The following TNS3 variants were observed in gnomAD, a reference collection of about 807,000 sequenced individuals.
The protein encoded by TNS3 is tensin-3.
TNS3 carries 45 observed loss-of-function variants against 140.9 expected under a neutral mutation model. That is an observed-to-expected ratio of 0.32 (90% confidence interval 0.25 to 0.41). The LOEUF is 0.41. Among genes scored for constraint, TNS3 ranks in the 10% least tolerant of loss-of-function variants. The probability of loss-of-function intolerance (pLI) is 1.00; values close to 1 mark genes in which losing one functional copy is unlikely to be tolerated. For missense variants in TNS3, 1,716 were observed against 1,906.7 expected (o/e 0.90, Z 1.86); for synonymous variants, 815 against 788.4 (o/e 1.03, Z -0.56).
chr7:47,394,504 G>A (rs1433455209), intron 16 of TNS3, among the ~76,000 whole-genome samples: 1 of 152,254 alleles, frequency 6.6e-6, no homozygotes, highest in Non-Finnish European at 1.5e-5. Context: ...CCAGGTTATG[G>A]TCATCTGTCA....
intron 27 of TNS3, among the ~76,000 whole-genome samples, chr7:47,284,718 C>A (rs1320786800): frequency 6.6e-6 from 1 of 152,246 alleles, no homozygotes; most frequent in Non-Finnish European, 1.5e-5. Flanking sequence ...TGCCCCTTGT[C>A]TACTGTATAC....
At chr7:47,348,053 C>A (rs996200889) in intron 17 of TNS3, among the ~76,000 whole-genome samples, 4 of 152,176 alleles carry the variant, frequency 2.6e-5, no homozygotes, top group Non-Finnish European at 4.4e-5. Context: ...AGGGAGGGGA[C>A]CACCCTCACT....
chr7:47,568,315 G>A (rs887067074), intron 1 of TNS3, among the ~76,000 whole-genome samples: 1 of 152,252 alleles, frequency 6.6e-6, no homozygotes, highest in Admixed American at 6.5e-5. Context: ...AGAACTGGGG[G>A]CTCCAGAGCA....
chr7:47,554,901 GC>G (rs1240431206), intron 1 of TNS3, among the ~76,000 whole-genome samples: 1 of 151,908 alleles, frequency 6.6e-6, no homozygotes, highest in Non-Finnish European at 1.5e-5. Context: ...GGTAGTGTGC[GC>G]CTGTAATCCC....
intron 2 of TNS3, among the ~76,000 whole-genome samples, chr7:47,508,868 G>A (rs1277455232): frequency 2.0e-5 from 3 of 152,182 alleles, no homozygotes; most frequent in African/African-American, 7.2e-5. Context: ...GAGAGGAACT[G>A]AGGCTTCCCA....
At chr7:47,578,516 G>A (rs1228469758) in intron 1 of TNS3, among the ~76,000 whole-genome samples, 1 of 151,768 alleles carries the variant, frequency 6.6e-6, no homozygotes, top group Non-Finnish European at 1.5e-5. Flanking sequence ...CAACAGGTGA[G>A]GGATACCAGG....
chr7:47,474,117 A>AACACACACACACACACACACACAC (rs35049083), intron 4 of TNS3, among the ~76,000 whole-genome samples: 4 of 145,326 alleles, frequency 2.8e-5, no homozygotes, highest in African/African-American at 7.8e-5. Flanking sequence ...AGCAAGTCTC[A>AACACACACACACACACACACACAC]ACACACACAC....
rs957831558 is a variant in TNS3 at position 47,452,900 on chromosome 7, C to T, written c.-75-10845G>A. The T allele has an allele frequency of 4.1e-6, 4 of 985,226 alleles. No individual in the cohort carries two copies. In the African/African-American group the frequency reaches 5.2e-5, roughly 13 times the overall value. 61.0% of individuals were successfully genotyped at this position (985,226 alleles called of 1,614,324 possible). On this transcript the variant is annotated intron_variant, in intron 4 of 30. Transcript: ENST00000311160. ...ACAAAGTGCCCAGTGCCAGCCCAGC[C>T]GAGAGGCGGCACGTGGGGAGTTGGG... is the stretch of plus-strand genomic sequence containing the variant.
intron 13 of TNS3, among the ~76,000 whole-genome samples, chr7:47,401,485 CAGAG>C (rs949595834): frequency 5.9e-5 from 9 of 152,150 alleles, no homozygotes; most frequent in African/African-American, 1.7e-4. Context: ...GAGAGGGAGA[CAGAG>C]AGGGTGTTGG....
At chr7:47,496,143 G>A (rs1366016712) in intron 3 of TNS3, among the ~76,000 whole-genome samples, 1 of 152,184 alleles carries the variant, frequency 6.6e-6, no homozygotes, top group African/African-American at 2.4e-5. Context: ...ATAATGGGAG[G>A]AAGCATACAT....
chr7:47,341,343 G>A (rs900767383), intron 20 of TNS3, among the ~76,000 whole-genome samples: 2 of 152,194 alleles, frequency 1.3e-5, no homozygotes, highest in Non-Finnish European at 2.9e-5. Flanking sequence ...ATGTTTGGTA[G>A]AATTATCCAG....
intron 2 of TNS3, among the ~76,000 whole-genome samples, chr7:47,520,638 T>C (rs1798940185): frequency 6.6e-6 from 1 of 152,222 alleles, no homozygotes; most frequent in Non-Finnish European, 1.5e-5. Context: ...GGCTTTGTAT[T>C]GCAACAGAGG....
At chr7:47,516,936 G>T (rs542930670) in intron 2 of TNS3, among the ~76,000 whole-genome samples, 2 of 152,206 alleles carry the variant, frequency 1.3e-5, no homozygotes, top group Non-Finnish European at 2.9e-5. Flanking sequence ...GGTGGTGGGC[G>T]CCTGTAATCC....
chr7:47,475,755 CAAA>C (rs1210118713), intron 4 of TNS3, among the ~76,000 whole-genome samples: 3 of 152,246 alleles, frequency 2.0e-5, no homozygotes, highest in South Asian at 4.1e-4. Context: ...GAACTTCAAT[CAAA>C]AGCTGTGGGG....
In TNS3 at chr7:47,303,223, C is replaced by T. The variant is rs761145574; in HGVS notation, c.3184G>A (p.Asp1062Asn). Residue 1062 changes from aspartate to asparagine, a missense_variant, in exon 22 of 31, where the codon GAC becomes AAC. Asp to Asn is a conservative substitution (Grantham distance 23). This residue lies in a region of TNS3 where 1,163 missense variants were observed against 1,182.1 expected (regional missense o/e 0.98). Coordinates refer to ENST00000311160, the MANE Select transcript of TNS3 (RefSeq NM_022748.12). Reference sequence around the variant, plus strand: ...AAGTTGTGGGACAGGAAGCCATTGTCGGCAGCCCCTGTCGCTGTCAGCGGG... The same window carrying T: ...AAGTTGTGGGACAGGAAGCCATTGTTGGCAGCCCCTGTCGCTGTCAGCGGG... ...SIPLTATGAADNGFLSHNFLT... is the reference protein window; with the variant it reads ...SIPLTATGAANNGFLSHNFLT... 4.0e-5 allele frequency: 64 copies of T among 1,613,636 alleles called. No homozygotes were observed. In the African/African-American group the frequency reaches 7.3e-4, roughly 19 times the overall value.
chr7:47,459,173 C>T (rs954897174), intron 4 of TNS3, among the ~76,000 whole-genome samples: 1 of 152,180 alleles, frequency 6.6e-6, no homozygotes, highest in African/African-American at 2.4e-5. Flanking sequence ...ATGAATGATG[C>T]TATGAGAAAC....
intron 1 of TNS3, among the ~76,000 whole-genome samples, chr7:47,576,961 C>G (rs569364082): frequency 6.6e-6 from 1 of 152,236 alleles, no homozygotes; most frequent in Non-Finnish European, 1.5e-5. Flanking sequence ...AGTATCGCCA[C>G]GAGTGTATTC....
chr7:47,412,429 G>GC (rs1169669901), intron 12 of TNS3, among the ~76,000 whole-genome samples: 1 of 152,118 alleles, frequency 6.6e-6, no homozygotes, highest in Non-Finnish European at 1.5e-5. Context: ...GACCAGCCTG[G>GC]CTAACATAGT....
At chr7:47,415,012 G>A in intron 11 of TNS3, 82 bp downstream of exon 11, 1 of 1,036,652 alleles carries the variant, frequency 9.6e-7, no homozygotes, top group Non-Finnish European at 1.4e-6. Flanking sequence ...GAAAGCCGAG[G>A]CTTATCTAAA....
Sources: gnomAD v4.1 joint callset for allele counts (sites outside exome capture counted in the v4.1 genomes callset) on GRCh38, gnomAD v4.1.1 for gene constraint, gnomAD v4.1.1 regional missense constraint, MANE v1.5 for transcripts, NCBI Gene and HGNC (gene_info 2026-07-23, HGNC 2026-07-21) for gene names.